Variants in RAG1 observed in about 807,000 individuals in gnomAD.
The protein encoded by RAG1 is V(D)J recombination-activating protein 1.
In RAG1, 35 loss-of-function variants were observed where a neutral mutation model predicts 62.7. The observed-to-expected ratio is 0.56, with a 90% confidence interval of 0.43 to 0.74. The LOEUF is 0.74. RAG1 is among the 30% of genes least tolerant of loss of function. RAG1 has a pLI of 0.00. For missense variants in RAG1, 1,169 were observed against 1,278.6 expected, an observed-to-expected ratio of 0.91 and a Z score of 1.31; for synonymous variants, 461 against 470.3, an observed-to-expected ratio of 0.98 and a Z score of 0.26.
chr11:36,571,313 G>T (rs550534777), intron 1 of RAG1, among the ~76,000 whole-genome samples: 1 of 152,270 alleles, frequency 6.6e-6, no homozygotes, highest in East Asian at 1.9e-4. Context: ...TTAAGTATAG[G>T]CTGGGAAGTA....
intron 2 of RAG1, among the ~76,000 whole-genome samples, chr11:36,530,688 A>T (rs891070290): frequency 6.6e-6 from 1 of 151,958 alleles, no homozygotes; most frequent in Non-Finnish European, 1.5e-5. Context: ...CAGAGAACGC[A>T]CTTGATATGC....
At chr11:36,540,352 A>T (rs1860396621), downstream of RAG1, among the ~76,000 whole-genome samples, 1 of 152,166 alleles carries the variant, frequency 6.6e-6, no homozygotes, top group Non-Finnish European at 1.5e-5. Context: ...GAGCCTTACT[A>T]GTGCCAGTGA....
chr11:36,562,938 C>A (rs1170012714), intron 3 of RAG1, among the ~76,000 whole-genome samples: 2 of 152,000 alleles, frequency 1.3e-5, no homozygotes, highest in Non-Finnish European at 2.9e-5. Context: ...TCTCGGGAGG[C>A]TTCTGTCCTT....
intron 2 of RAG1, among the ~76,000 whole-genome samples, chr11:36,531,876 T>G (rs1186343782): frequency 6.6e-6 from 1 of 152,090 alleles, no homozygotes; most frequent in Non-Finnish European, 1.5e-5. Flanking sequence ...GAAGTCTTCC[T>G]TCTTCCTTCT....
intron 2 of RAG1, among the ~76,000 whole-genome samples, chr11:36,522,897 G>A (rs532291924): frequency 3.9e-5 from 6 of 152,280 alleles, no homozygotes; most frequent in South Asian, 4.1e-4. Context: ...GAGCCCTTTA[G>A]CTCTTTTGTT....
chr11:36,558,746 G>T (rs537071082), intron 3 of RAG1, among the ~76,000 whole-genome samples: 4 of 152,230 alleles, frequency 2.6e-5, no homozygotes. Context: ...CTTAATTGAG[G>T]AACTTAATTC....
intron 3 of RAG1, among the ~76,000 whole-genome samples, chr11:36,543,337 C>T (rs139006768): frequency 3.9e-5 from 6 of 152,362 alleles, no homozygotes; most frequent in South Asian, 2.1e-4. Flanking sequence ...AGAGAACCCA[C>T]GGTATGCTTG....
intron 3 of RAG1, among the ~76,000 whole-genome samples, chr11:36,559,423 GA>G: frequency 6.6e-6 from 1 of 152,234 alleles, no homozygotes; most frequent in South Asian, 2.1e-4. Context: ...CCTAAGACTT[GA>G]AAAGTTTCCA....
chr11:36,549,943 G>T (rs1377733669), intron 3 of RAG1, among the ~76,000 whole-genome samples: 3 of 152,060 alleles, frequency 2.0e-5, no homozygotes, highest in African/African-American at 7.2e-5. Context: ...CCACAGAAAA[G>T]GATGAGTTCA....
chr11:36,578,692 C>T lies in RAG1; in HGVS notation c.*2256C>T. On this transcript the variant is annotated 3_prime_UTR_variant, in exon 2 of 2. Coordinates refer to ENST00000299440, the MANE Select transcript of RAG1 (RefSeq NM_000448.3). ...CTTAATCAGATCACATTTTGATAAA[C>T]CCTGGGAACATCTGGCTGCAGGAAT... 1 of 167,148 alleles carries T rather than the reference C, an allele frequency of 6.0e-6. No homozygotes were observed. 10.4% of individuals were successfully genotyped at this position (167,148 alleles called of 1,614,324 possible).
chr11:36,533,658 T>A (rs541826663), intron 2 of RAG1, among the ~76,000 whole-genome samples: 2 of 152,360 alleles, frequency 1.3e-5, no homozygotes, highest in African/African-American at 2.4e-5. Flanking sequence ...CAATGTTGAA[T>A]AATGGTGAAA....
At chr11:36,562,988 G>C (rs529730486) in intron 3 of RAG1, among the ~76,000 whole-genome samples, 3 of 151,930 alleles carry the variant, frequency 2.0e-5, no homozygotes, top group South Asian at 2.1e-4. Context: ...TCTTCACCTG[G>C]TCATTCATTT....
downstream of RAG1, among the ~76,000 whole-genome samples, chr11:36,539,918 T>A (rs1860389618): frequency 6.6e-6 from 1 of 152,232 alleles, no homozygotes; most frequent in South Asian, 2.1e-4. Context: ...TTCTTTTAGT[T>A]TCTGTCATGT....
rs572674156 is a variant in RAG1 at position 36,577,743 on chromosome 11, C to T, written c.*1307C>T. 73 of 167,168 alleles carry T rather than the reference C, an allele frequency of 4.4e-4. 1 individual carries two copies. The highest frequency in any genetic ancestry group is 3.4e-3 in the Middle Eastern group (1 of 296). 10.4% of individuals were successfully genotyped at this position (167,168 alleles called of 1,614,324 possible). ...ATAAATACTTGGCTTGGAAATTTAA[C>T]ACAGTCCTTTTGTCTCCAAAGCCCT... On this transcript the variant is annotated 3_prime_UTR_variant, in exon 2 of 2. Transcript: ENST00000299440.
At chr11:36,542,458 T>G (rs988841514) in intron 3 of RAG1, among the ~76,000 whole-genome samples, 2 of 152,080 alleles carry the variant, frequency 1.3e-5, no homozygotes, top group Non-Finnish European at 2.9e-5. Context: ...AGAGGCTGAG[T>G]TGGGAAAGTT....
intron 1 of RAG1, among the ~76,000 whole-genome samples, chr11:36,517,257 C>CAATAATTCA (rs1860008846): frequency 6.6e-6 from 1 of 152,174 alleles, no homozygotes; most frequent in African/African-American, 2.4e-5. Context: ...TCAATAATTG[C>CAATAATTCA]ATATTTTCAT....
chr11:36,575,810 C>G lies in RAG1; in HGVS notation c.2506C>G (p.Leu836Val). The G allele has an allele frequency of 6.2e-7, 1 of 1,614,234 alleles. No individual in the cohort carries two copies. The highest frequency in any genetic ancestry group is 1.1e-5 in the South Asian group (1 of 91,092). ...GGAAAGGAAAAGGTGGCAGGCCACA[C>G]TGGACAAGCATCTCCGGAAGAAGAT... ...KEERKRWQATLDKHLRKKMNL... is the reference protein window; with the variant it reads ...KEERKRWQATVDKHLRKKMNL... Residue 836 changes from leucine (L) to valine (V), a missense_variant, in exon 2 of 2, where the codon CTG (leucine) becomes GTG (valine). By Grantham distance (32) the Leu-to-Val change is conservative. Transcript: ENST00000299440. This position sits in a 1 kb window ranked among gnomAD's most constrained non-coding sequence, Gnocchi z 4.1.
intron 1 of RAG1, among the ~76,000 whole-genome samples, chr11:36,514,376 A>G (rs1231782309): frequency 6.6e-6 from 1 of 152,252 alleles, no homozygotes; most frequent in African/African-American, 2.4e-5. Flanking sequence ...CAGGAGATAC[A>G]GCAGTGCAGC....
At chr11:36,570,675 C>T (rs1850726717) in intron 1 of RAG1, among the ~76,000 whole-genome samples, 1 of 152,154 alleles carries the variant, frequency 6.6e-6, no homozygotes, top group African/African-American at 2.4e-5. Context: ...ACATCCTTGC[C>T]AGCATTCATT....
Sources: gnomAD v4.1 joint callset for allele counts (sites outside exome capture counted in the v4.1 genomes callset) on GRCh38, gnomAD v4.1.1 for gene constraint, Gnocchi (gnomAD v3.1) non-coding constraint, MANE v1.5 for transcripts, NCBI Gene and HGNC (gene_info 2026-07-23, HGNC 2026-07-21) for gene names.